Variants in RPSA2 observed in about 807,000 individuals in gnomAD.
RPSA2 encodes the protein ribosomal protein SA 2.
At chr19:23,844,605 C>T in the RPSA2 span, among the ~76,000 whole-genome samples, 1 of 151,964 alleles carries the variant, frequency 6.6e-6, no homozygotes, top group Non-Finnish European at 1.5e-5. Flanking sequence ...ACATAGTTTG[C>T]AAATATGTTC....
chr19:23,859,303 A>G, the RPSA2 span, among the ~76,000 whole-genome samples: 3 of 152,140 alleles, frequency 2.0e-5, no homozygotes, highest in African/African-American at 4.8e-5. Flanking sequence ...CTTACCATTT[A>G]TGAATAGTTT....
chr19:23,776,746 T>C, the RPSA2 span, among the ~76,000 whole-genome samples: 2 of 152,184 alleles, frequency 1.3e-5, no homozygotes, highest in Non-Finnish European at 2.9e-5. Context: ...CATAATGATA[T>C]TACTCTTTTG....
the RPSA2 span, among the ~76,000 whole-genome samples, chr19:23,816,156 A>T: frequency 6.6e-6 from 1 of 151,690 alleles, no homozygotes; most frequent in Non-Finnish European, 1.5e-5. Context: ...TATTTTTGAG[A>T]TAGGGTCTCA....
chr19:23,857,356 T>C, the RPSA2 span, among the ~76,000 whole-genome samples: 2 of 152,138 alleles, frequency 1.3e-5, no homozygotes, highest in Non-Finnish European at 2.9e-5. Flanking sequence ...AAGTGGTAAA[T>C]ATCCATGAAA....
chr19:23,765,111 G>A, the RPSA2 span, among the ~76,000 whole-genome samples: 1 of 152,116 alleles, frequency 6.6e-6, no homozygotes, highest in Admixed American at 6.5e-5. Context: ...AAATTTCCTT[G>A]TATACTATTT....
chr19:23,861,910 GTGTT>G, the RPSA2 span, among the ~76,000 whole-genome samples: 1 of 152,138 alleles, frequency 6.6e-6, no homozygotes, highest in Non-Finnish European at 1.5e-5. Context: ...TTTTCAGTTA[GTGTT>G]TGTTTGGTGA....
At chr19:23,781,126 C>T in the RPSA2 span, among the ~76,000 whole-genome samples, 1 of 152,088 alleles carries the variant, frequency 6.6e-6, no homozygotes, top group Admixed American at 6.6e-5. Flanking sequence ...CGGTGCATGC[C>T]ACAATGCCTG....
the RPSA2 span, among the ~76,000 whole-genome samples, chr19:23,793,834 G>T: frequency 6.6e-6 from 1 of 152,206 alleles, no homozygotes; most frequent in East Asian, 1.9e-4. Context: ...AAAGTGCTGG[G>T]GTTACAGGTG....
the RPSA2 span, among the ~76,000 whole-genome samples, chr19:23,805,167 T>TTTTTTC: frequency 6.6e-6 from 1 of 150,856 alleles, no homozygotes; most frequent in Non-Finnish European, 1.5e-5. Context: ...ACACACACTT[T>TTTTTTC]TTTTCTTTTT....
chr19:23,852,019 G>A, the RPSA2 span, among the ~76,000 whole-genome samples: 1 of 152,084 alleles, frequency 6.6e-6, no homozygotes, highest in Non-Finnish European at 1.5e-5. Flanking sequence ...TTTAGAATGA[G>A]GAAGAAAACA....
At chr19:23,767,265 T>C in the RPSA2 span, among the ~76,000 whole-genome samples, 1 of 152,066 alleles carries the variant, frequency 6.6e-6, no homozygotes, top group Non-Finnish European at 1.5e-5. Context: ...TTTTAGTACA[T>C]ACGGGGTTTC....
At chr19:23,829,047 A>G in the RPSA2 span, among the ~76,000 whole-genome samples, 4 of 152,138 alleles carry the variant, frequency 2.6e-5, no homozygotes, top group East Asian at 7.7e-4. Context: ...TTCAATTTCA[A>G]GCACATTTTA....
chr19:23,870,360 G>A, the RPSA2 span, among the ~76,000 whole-genome samples: 1 of 151,266 alleles, frequency 6.6e-6, no homozygotes, highest in South Asian at 2.1e-4. Context: ...TGTGGTTAGG[G>A]GAACAAGTAC....
the RPSA2 span, among the ~76,000 whole-genome samples, chr19:23,805,571 AT>A: frequency 0.22 from 110 of 498 alleles, no homozygotes; most frequent in Admixed American, 0.29. Flanking sequence ...AGAGATGAAC[AT>A]GTGGTGCTCA....
the RPSA2 span, among the ~76,000 whole-genome samples, chr19:23,821,374 CA>C: frequency 2.0e-5 from 3 of 152,228 alleles, no homozygotes; most frequent in Non-Finnish European, 4.4e-5. Context: ...CCCTTTCACT[CA>C]TGGGCCTATA....
At chr19:23,806,113 C>T in the RPSA2 span, among the ~76,000 whole-genome samples, 3 of 143,066 alleles carry the variant, frequency 2.1e-5, no homozygotes, top group Admixed American at 7.4e-5. Flanking sequence ...GGCATGATCT[C>T]GGCTCACTGC....
At chr19:23,758,557 C>T in the RPSA2 span, among the ~76,000 whole-genome samples, 1 of 152,208 alleles carries the variant, frequency 6.6e-6, no homozygotes, top group African/African-American at 2.4e-5. Flanking sequence ...GACACAGTCA[C>T]TGAGCAGGGA....
At chr19:23,765,598 G>C in the RPSA2 span, among the ~76,000 whole-genome samples, 1 of 152,124 alleles carries the variant, frequency 6.6e-6, no homozygotes, top group Non-Finnish European at 1.5e-5. Flanking sequence ...GGAACACATA[G>C]ACCCGTAGAG....
At chr19:23,824,576 A>ATTTTTTTTTTTTTTTT in the RPSA2 span, among the ~76,000 whole-genome samples, 2 of 21,826 alleles carry the variant, frequency 9.2e-5, no homozygotes, top group African/African-American at 3.7e-4. Flanking sequence ...TCATTATAGC[A>ATTTTTTTTTTTTTTTT]TTTCTTTTTT....
Sources: allele counts gnomAD v4.1 joint callset (sites outside exome capture counted in the v4.1 genomes callset), GRCh38; gene constraint gnomAD v4.1.1; transcripts MANE v1.5; gene names NCBI Gene and HGNC (gene_info 2026-07-23, HGNC 2026-07-21).